VIL1: variants seen among roughly 807,000 people sequenced by gnomAD.
The protein encoded by VIL1 is villin-1.
VIL1 carries 86 observed loss-of-function variants against 104.0 expected under a neutral mutation model. The observed-to-expected ratio is 0.83, with a 90% confidence interval of 0.69 to 0.99. The LOEUF (loss-of-function observed/expected upper bound fraction) is 0.99, where lower values mean the gene tolerates loss of function less well. Among genes scored for constraint, VIL1 ranks in the 50% least tolerant of loss-of-function variants. The probability of loss-of-function intolerance (pLI) is 0.00; values close to 1 mark genes in which losing one functional copy is unlikely to be tolerated. For missense variants in VIL1, 944 were observed against 1,054.1 expected, an observed-to-expected ratio of 0.90 and a Z score of 1.45; for synonymous variants, 394 against 412.6, an observed-to-expected ratio of 0.95 and a Z score of 0.55.
At chr2:218,439,145 G>T (rs184514529) in intron 18 of VIL1, among the ~76,000 whole-genome samples, 28 of 151,782 alleles carry the variant, frequency 1.8e-4, no homozygotes, top group Admixed American at 1.7e-3. Flanking sequence ...TGGCCAGTCT[G>T]GTCTCAAACT....
At chr2:218,425,520 C>G in intron 3 of VIL1, 95 bp from the exon 4 acceptor site, 1 of 1,336,040 alleles carries the variant, frequency 7.5e-7, no homozygotes, top group Admixed American at 1.9e-5. Flanking sequence ...CACGCTCCCC[C>G]ATAGTCCTGG....
intron 8 of VIL1, 40 bp downstream of exon 8, chr2:218,429,715 G>A (rs372167402): frequency 5.0e-6 from 8 of 1,611,902 alleles, no homozygotes; most frequent in Non-Finnish European, 6.8e-6. Flanking sequence ...CTGCAGCCTG[G>A]CCCCCTTTCC....
At chr2:218,432,416 T>A in intron 12 of VIL1, 1 of 748,556 alleles carries the variant, frequency 1.3e-6, no homozygotes, top group South Asian at 1.5e-5. Flanking sequence ...CACATTCTTG[T>A]CACCTGCTCT....
intron 6 of VIL1, 56 bp downstream of exon 6, chr2:218,428,393 C>T: frequency 6.8e-7 from 1 of 1,478,874 alleles, no homozygotes; most frequent in Non-Finnish European, 9.5e-7. Context: ...CCCCCACCTG[C>T]TCCTTTCCCC....
At chr2:218,421,256 G>A (rs1016386725) in intron 1 of VIL1, among the ~76,000 whole-genome samples, 1 of 152,130 alleles carries the variant, frequency 6.6e-6, no homozygotes, top group Non-Finnish European at 1.5e-5. Flanking sequence ...GAGGGGCCAG[G>A]GGGCTGTGTG....
chr2:218,432,951 G>C lies in VIL1; in HGVS notation c.1500G>C (p.Gln500His), dbSNP rs1689125698. The C allele has an allele frequency of 1.2e-6, 2 of 1,614,182 alleles. No homozygotes were observed. Among genetic ancestry groups the C allele is most frequent in the Non-Finnish European group, 1.7e-6 (2 of 1,180,044 alleles). Residue 500 changes from glutamine to histidine, a missense_variant and splice_region_variant, in exon 13 of 20, where the codon CAG (glutamine) becomes CAC (histidine). Gln to His is a conservative substitution (Grantham distance 24). Transcript: ENST00000248444. ...SIFKGRMVVY[Q>H]GGTSRTNNLE... ...TCAAGGGACGCATGGTGGTCTACCA[G>C]GTGTGGCTGCTGAACTGAGGTGTCT...
chr2:218,438,871 A>T, intron 18 of VIL1, 145 bp downstream of exon 18: 1 of 618,394 alleles, frequency 1.6e-6, no homozygotes, highest in Non-Finnish European at 2.7e-6. Flanking sequence ...TTGCTGTTTT[A>T]CTTCAGTGCC....
intron 6 of VIL1, 65 bp downstream of exon 6, chr2:218,428,402 C>T: frequency 1.4e-6 from 2 of 1,393,150 alleles, no homozygotes; most frequent in Non-Finnish European, 2.0e-6. Flanking sequence ...GCTCCTTTCC[C>T]CAGGCCTCTC....
In VIL1 at chr2:218,429,373, C is replaced by T; in HGVS notation, c.656C>T (p.Ser219Phe). The change falls in exon 7 of 20, where the codon TCC (serine) becomes TTC (phenylalanine). Residue 219 changes from serine (S) to phenylalanine (F), a missense_variant. Physicochemically the swap from Ser to Phe is radical, Grantham distance 155. Transcript: ENST00000248444. Reference sequence around the variant, plus strand: ...GTGGACGGAGAGAATGAATTGGCATCCCCGAAGCTGATGGAGGTGATGAAC... The same window carrying T: ...GTGGACGGAGAGAATGAATTGGCATTCCCGAAGCTGATGGAGGTGATGAAC... ...GVVDGENELA[S>F]PKLMEVMNHV... The T allele has an allele frequency of 1.2e-6, 2 of 1,614,120 alleles. No individual in the cohort carries two copies. The highest frequency in any genetic ancestry group is 1.7e-6 in the Non-Finnish European group (2 of 1,180,028).
In VIL1 at chr2:218,449,796, T is replaced by C. The variant is rs2106399417; in HGVS notation, c.*460T>C. Reference sequence around the variant, plus strand: ...ATACTTTCCTTACTGCCTTACTCAGTGGGTAAGTTAAAGGGCTGAAGGAGA... The same window carrying C: ...ATACTTTCCTTACTGCCTTACTCAGCGGGTAAGTTAAAGGGCTGAAGGAGA... On this transcript the variant is annotated 3_prime_UTR_variant, in exon 20 of 20. Transcript: ENST00000248444. 1 of 167,016 alleles carries C rather than the reference T, an allele frequency of 6.0e-6. No individual in the cohort carries two copies. Among genetic ancestry groups the C allele is most frequent in the East Asian group, 1.6e-4 (1 of 6,424 alleles). 10.3% of individuals were successfully genotyped at this position (167,016 alleles called of 1,614,324 possible).
intron 16 of VIL1, 71 bp downstream of exon 16, chr2:218,436,697 A>C: frequency 1.3e-6 from 2 of 1,537,980 alleles, no homozygotes; most frequent in Non-Finnish European, 8.8e-7. Context: ...GAGTGGCTTT[A>C]AGGTTAGGTA....
intron 17 of VIL1, among the ~76,000 whole-genome samples, chr2:218,437,715 T>A (rs1301259848): frequency 2.0e-5 from 3 of 152,224 alleles, no homozygotes; most frequent in African/African-American, 7.2e-5. Flanking sequence ...GGATCCTCCA[T>A]GCCAGCTGAA....
In VIL1 at chr2:218,452,840, GAATT is replaced by G. The variant is rs1481784544; in HGVS notation, c.*3508_*3511del. 6 of 152,076 alleles carry G rather than the reference GAATT, an allele frequency of 3.9e-5. No homozygotes were observed. The highest frequency in any genetic ancestry group is 6.6e-5 in the Admixed American group (1 of 15,250). 9.4% of individuals were successfully genotyped at this position (152,076 alleles called of 1,614,324 possible). A position where few individuals can be genotyped will look rare whatever the true frequency, so the allele number is the denominator to read the frequency against. On this transcript the variant is annotated 3_prime_UTR_variant, in exon 20 of 20. Transcript: ENST00000248444. ...CTCTCAAATGCAAAGACACGTAAAA[GAATT>G]AATAACTAGCCAAAGAATTTTATCA... is the stretch of plus-strand genomic sequence containing the variant.
chr2:218,440,677 C>T (rs776014928), intron 18 of VIL1, 45 bp from the exon 19 acceptor site: 9 of 1,611,540 alleles, frequency 5.6e-6, no homozygotes, highest in Non-Finnish European at 7.6e-6. Flanking sequence ...TGGGAGGTAG[C>T]TGTGCACCAG....
At chr2:218,430,640 G>A in intron 9 of VIL1, 85 bp from the exon 10 acceptor site, 1 of 1,490,722 alleles carries the variant, frequency 6.7e-7, no homozygotes, top group Non-Finnish European at 9.0e-7. Flanking sequence ...GGTGGATCTG[G>A]TTAGGTTAGA....
At chr2:218,435,764 C>A (rs1689178517) in intron 15 of VIL1, among the ~76,000 whole-genome samples, 2 of 152,190 alleles carry the variant, frequency 1.3e-5, no homozygotes, top group South Asian at 4.1e-4. Context: ...TGCCAGAGGC[C>A]AGCCTGCTTT....
chr2:218,447,278 A>G (rs1689380577), intron 19 of VIL1, among the ~76,000 whole-genome samples: 2 of 152,168 alleles, frequency 1.3e-5, no homozygotes, highest in Admixed American at 6.5e-5. Flanking sequence ...TGAGGGTGAC[A>G]GGCTTTTGCT....
Position 218,432,103 on chromosome 2 carries a change from T to C in VIL1, c.1261T>C (p.Phe421Leu), listed in dbSNP as rs1689109676. The change falls in exon 12 of 20, where the codon TTC (phenylalanine) becomes CTC (leucine). Residue 421 changes from phenylalanine to leucine, a missense_variant. Transcript: ENST00000248444. ...TGTGGATTCCAAGTGGCTAGGCCAC[T>C]TCTATGGGGGCGACTGCTACCTGCT... is the stretch of plus-strand genomic sequence containing the variant. ...VPVDSKWLGH[F>L]YGGDCYLLLY... 1.2e-6 allele frequency: 2 copies of C among 1,614,152 alleles called. No homozygotes were observed. Among genetic ancestry groups the C allele is most frequent in the Non-Finnish European group, 1.7e-6 (2 of 1,180,016 alleles).
chr2:218,423,037 G>A (rs766448040), intron 1 of VIL1, among the ~76,000 whole-genome samples: 4 of 152,224 alleles, frequency 2.6e-5, no homozygotes, highest in Admixed American at 6.5e-5. Flanking sequence ...TGGAGCATCA[G>A]CACGTTCCGA....
Sources: allele counts gnomAD v4.1 joint callset (sites outside exome capture counted in the v4.1 genomes callset), GRCh38; gene constraint gnomAD v4.1.1; transcripts MANE v1.5; gene names NCBI Gene and HGNC (gene_info 2026-07-23, HGNC 2026-07-21).